Variants in NTM observed in about 807,000 individuals in gnomAD.
NTM encodes neurotrimin, also known as IgLON family member 2.
Under a neutral mutation model 42.1 loss-of-function variants are expected in NTM, and 13 were observed. That is an observed-to-expected ratio of 0.31 (90% CI 0.20 to 0.49). NTM has a LOEUF of 0.49. NTM is among the 20% of genes least tolerant of loss of function. NTM has a pLI of 0.99. For synonymous variants in NTM, 187 were observed against 179.2 expected (o/e 1.04, Z -0.35); for missense variants, 373 against 452.8 (o/e 0.82, Z 1.60).
chr11:132,256,608 C>T (rs2092489986), intron 4 of NTM, among the ~76,000 whole-genome samples: 2 of 151,628 alleles, frequency 1.3e-5, no homozygotes, highest in South Asian at 2.1e-4. Context: ...TTGCTGGATG[C>T]GAGCTGGCTC....
At chr11:131,478,160 A>G (rs1953156428) in intron 1 of NTM, among the ~76,000 whole-genome samples, 2 of 152,184 alleles carry the variant, frequency 1.3e-5, no homozygotes, top group African/African-American at 4.8e-5. Flanking sequence ...TCTGCCATTC[A>G]CATTTCATTT....
intron 1 of NTM, among the ~76,000 whole-genome samples, chr11:131,565,776 C>CCTGGA (rs2137040333): frequency 6.6e-6 from 1 of 152,280 alleles, no homozygotes; most frequent in South Asian, 2.1e-4. Flanking sequence ...TTCTGAACAC[C>CCTGGA]CTGGACCTGG....
At chr11:132,167,821 C>T (rs573753055) in intron 3 of NTM, among the ~76,000 whole-genome samples, 13 of 152,138 alleles carry the variant, frequency 8.5e-5, no homozygotes, top group Admixed American at 2.0e-4. Context: ...AACTATTCTT[C>T]CCCCTAGCCA....
rs1179602653 is a variant in NTM, at chr11:132,002,155, G to A, written c.167+90507G>A. On this transcript the variant is annotated intron_variant, in intron 2 of 8. Transcript: ENST00000683400. This position sits in a 1 kb window ranked among gnomAD's most constrained non-coding sequence, Gnocchi z 4.5. The stretch of plus-strand genomic sequence containing the variant: ...TGAAGAGGGTGGAGGCTCTTCAAAT[G>A]TCCGATTAAAGGTATTGGACTTTTC... Among the ~76,000 whole-genome samples the A allele has an allele frequency of 2.6e-5, 4 of 152,180 alleles. No individual in the cohort carries two copies. The highest frequency in any genetic ancestry group is 4.4e-5 in the Non-Finnish European group (3 of 68,038).
rs765838398 is a variant in NTM at position 131,911,614 on chromosome 11, G to A, written c.133G>A (p.Val45Met). Residue 45 changes from valine to methionine, a missense_variant, in exon 2 of 9, where the codon GTG becomes ATG. Physicochemically the swap from Val to Met is conservative, Grantham distance 21. Transcript: ENST00000683400. ...CACCTTCCCCAAAGCTATGGACAAC[G>A]TGACGGTCCGGCAGGGGGAGAGCGC... ...DATFPKAMDN[V>M]TVRQGESATL... is the part of the protein sequence containing the mutation. 7 of 1,614,190 alleles carry A rather than the reference G, an allele frequency of 4.3e-6. No individual in the cohort carries two copies. Among genetic ancestry groups the A allele is most frequent in the South Asian group, 3.3e-5 (3 of 91,088 alleles).
In NTM at chr11:131,945,864, G is replaced by A. The variant is rs75102921; in HGVS notation, c.167+34216G>A. On this transcript the variant is annotated intron_variant, in intron 2 of 8. Transcript: ENST00000683400. ...ACAAGTATTAAAATGAATAGATGGC[G>A]TCTGGCAAATCTCTTCCTGCCAGCG... Among the ~76,000 whole-genome samples the A allele has an allele frequency of 5.5e-3, 842 of 152,224 alleles. 2 individuals carry two copies. Among genetic ancestry groups the A allele is most frequent in the Non-Finnish European group, 9.4e-3 (642 of 68,012 alleles).
At chr11:131,501,359 C>T (rs561225468) in intron 1 of NTM, among the ~76,000 whole-genome samples, 5 of 152,142 alleles carry the variant, frequency 3.3e-5, no homozygotes, top group East Asian at 3.9e-4. Flanking sequence ...GAGTTTGGGG[C>T]AGATGAAAAG....
chr11:131,814,999 T>G (rs1376233879), intron 1 of NTM, among the ~76,000 whole-genome samples: 1 of 152,098 alleles, frequency 6.6e-6, no homozygotes, highest in Non-Finnish European at 1.5e-5. Flanking sequence ...ATCTTCTTCA[T>G]TTTGCCCTCT....
intron 1 of NTM, among the ~76,000 whole-genome samples, chr11:131,494,125 A>G (rs1955086655): frequency 6.6e-6 from 1 of 152,214 alleles, no homozygotes; most frequent in Non-Finnish European, 1.5e-5. Flanking sequence ...CTTTAAGGTT[A>G]TACTCTTACA....
At chr11:132,061,808 A>G (rs2080719147) in intron 2 of NTM, among the ~76,000 whole-genome samples, 1 of 152,018 alleles carries the variant, frequency 6.6e-6, no homozygotes, top group Non-Finnish European at 1.5e-5. Context: ...AGGGTCACAA[A>G]CCTGCTTTAT....
At chr11:132,298,125 G>T (rs1433815703) in intron 4 of NTM, among the ~76,000 whole-genome samples, 2 of 152,022 alleles carry the variant, frequency 1.3e-5, no homozygotes, top group Non-Finnish European at 2.9e-5. Context: ...AATTAATCTG[G>T]GTGAGGAATT....
intron 1 of NTM, among the ~76,000 whole-genome samples, chr11:131,575,629 T>A (rs570015721): frequency 6.6e-6 from 1 of 152,364 alleles, no homozygotes; most frequent in African/African-American, 2.4e-5. Flanking sequence ...CCCAGCCTGA[T>A]CTTTCTACTT....
chr11:132,140,623 C>T (rs544611270), intron 2 of NTM, among the ~76,000 whole-genome samples: 2 of 152,250 alleles, frequency 1.3e-5, no homozygotes, highest in African/African-American at 2.4e-5. Context: ...CTTTCTCTTA[C>T]AATAAAGGAG....
intron 4 of NTM, among the ~76,000 whole-genome samples, chr11:132,216,540 G>T (rs1465655915): frequency 1.3e-5 from 2 of 152,150 alleles, no homozygotes; most frequent in African/African-American, 2.4e-5. Context: ...ACGTTGTACT[G>T]AGATATTGGT....
At chr11:132,315,194 T>G in intron 7 of NTM, 4 of 633,964 alleles carry the variant, frequency 6.3e-6, no homozygotes, top group Non-Finnish European at 5.9e-6. Flanking sequence ...GCTTACTGGC[T>G]TAGTGTAAAA....
At chr11:132,052,725 G>A (rs1028403713) in intron 2 of NTM, among the ~76,000 whole-genome samples, 1 of 151,982 alleles carries the variant, frequency 6.6e-6, no homozygotes, top group African/African-American at 2.4e-5. Context: ...GGGGGCAAGT[G>A]GAATAGTAGA....
intron 1 of NTM, among the ~76,000 whole-genome samples, chr11:131,736,525 A>G (rs974147105): frequency 6.6e-6 from 1 of 152,184 alleles, no homozygotes; most frequent in Non-Finnish European, 1.5e-5. Flanking sequence ...CTTTCTGCCA[A>G]TCAGCCCAAA....
In NTM at chr11:132,069,386, ACT is replaced by A. The variant is rs1566075178; in HGVS notation, c.168-76894_168-76893del. ...ACCATCACAGGTTAGTTAACACGTCACTCAGCCAAGTTAACACGTCAAACTGA... is the reference window on the plus strand; with the variant it reads ...ACCATCACAGGTTAGTTAACACGTCACAGCCAAGTTAACACGTCAAACTGA... On this transcript the variant is annotated intron_variant, in intron 2 of 8. Coordinates refer to ENST00000683400, the MANE Select transcript of NTM (RefSeq NM_001352005.2). Among the ~76,000 whole-genome samples, 215 of 101,970 alleles carry A rather than the reference ACT, an allele frequency of 2.1e-3. 25 individuals carry two copies. Among genetic ancestry groups the A allele is most frequent in the African/African-American group, 8.8e-3 (201 of 22,716 alleles). 66.9% of individuals were successfully genotyped at this position (101,970 alleles called of 152,430 possible). A position where few individuals can be genotyped will look rare whatever the true frequency, so the allele number is the denominator to read the frequency against.
At position 131,612,783 on chromosome 11, in the gene NTM, G is replaced by A. The variant is rs1306082211; in HGVS notation, c.82+241895G>A. ...CACACCAGTTGGCAGATGTGCTGCAGGGCCCCACTAAGAGCAGCCTCTCTG... is the reference window on the plus strand; with the variant it reads ...CACACCAGTTGGCAGATGTGCTGCAAGGCCCCACTAAGAGCAGCCTCTCTG... On this transcript the variant is annotated intron_variant, in intron 1 of 8. Transcript: ENST00000683400. 4.6e-5 allele frequency among the ~76,000 whole-genome samples: 7 copies of A among 152,326 alleles called. No individual in the cohort carries two copies. In the East Asian group the frequency reaches 1.2e-3, roughly 25 times the overall value.
Sources: gnomAD v4.1 joint callset for allele counts (sites outside exome capture counted in the v4.1 genomes callset) on GRCh38, gnomAD v4.1.1 for gene constraint, Gnocchi (gnomAD v3.1) non-coding constraint, MANE v1.5 for transcripts, NCBI Gene and HGNC (gene_info 2026-07-23, HGNC 2026-07-21) for gene names.